Variants in FOCAD observed in about 807,000 individuals in gnomAD.
FOCAD encodes the protein KIAA1797.
FOCAD carries 198 observed loss-of-function variants against 225.6 expected under a neutral mutation model. That is an observed-to-expected ratio of 0.88 (90% CI 0.78 to 0.99). FOCAD has a LOEUF of 0.99. Ranked by LOEUF, FOCAD falls within the 50% of genes least tolerant of loss-of-function variation. The pLI, the probability that FOCAD is intolerant of heterozygous loss-of-function variation, is 0.00. For missense variants in FOCAD, 2,713 were observed against 2,123.6 expected (o/e 1.28, Z -5.46); for synonymous variants, 897 against 755.0 (o/e 1.19, Z -3.08).
At position 20,869,922 on chromosome 9, in the gene FOCAD, T is replaced by C. The variant is rs559242929; in HGVS notation, c.2190+2910T>C. ...ACATGTTGATTGTCATGTTGAAAGA[T>C]AGATAAGAATGATTTTTCCCTTTTA... On this transcript the variant is annotated intron_variant, in intron 18 of 43. Coordinates refer to ENST00000338382, the MANE Select transcript of FOCAD (RefSeq NM_001375567.1). 2.6e-5 allele frequency among the ~76,000 whole-genome samples: 4 copies of C among 152,260 alleles called. No homozygotes were observed. In the South Asian group the frequency reaches 6.2e-4, roughly 24 times the overall value.
intron 15 of FOCAD, among the ~76,000 whole-genome samples, chr9:20,859,716 A>T (rs1288919024): frequency 6.8e-6 from 1 of 146,876 alleles, no homozygotes; most frequent in Non-Finnish European, 1.5e-5. Flanking sequence ...TATATATATT[A>T]TATATATATA....
intron 39 of FOCAD, among the ~76,000 whole-genome samples, chr9:20,985,954 G>A (rs1276991274): frequency 6.6e-6 from 1 of 151,952 alleles, no homozygotes; most frequent in East Asian, 1.9e-4. Context: ...ATTAACACAT[G>A]TTAAGTGCTT....
chr9:20,928,477 G>T (rs540570490), intron 26 of FOCAD, among the ~76,000 whole-genome samples: 131 of 152,238 alleles, frequency 8.6e-4, no homozygotes, highest in Admixed American at 1.5e-3. Flanking sequence ...CTGCCCTTAT[G>T]GTGTGTCTGA....
intron 8 of FOCAD, among the ~76,000 whole-genome samples, chr9:20,777,660 G>T (rs183958630): frequency 6.2e-4 from 95 of 152,228 alleles, no homozygotes; most frequent in African/African-American, 2.2e-3. Flanking sequence ...ATTGTGACAT[G>T]ATTTACTAAA....
At chr9:20,883,233 G>GAAAAGGA (rs1223899865) in intron 20 of FOCAD, among the ~76,000 whole-genome samples, 1 of 152,090 alleles carries the variant, frequency 6.6e-6, no homozygotes, top group Non-Finnish European at 1.5e-5. Context: ...TGGCCTACAT[G>GAAAAGGA]AAATAACATA....
At chr9:20,931,536 A>G (rs568359865) in intron 27 of FOCAD, among the ~76,000 whole-genome samples, 17 of 152,330 alleles carry the variant, frequency 1.1e-4, no homozygotes, top group Middle Eastern at 3.4e-3. Context: ...ATTTTTTTCT[A>G]AAAGCAAGTG....
At chr9:20,919,992 C>T (rs568710280) in intron 24 of FOCAD, among the ~76,000 whole-genome samples, 13 of 151,768 alleles carry the variant, frequency 8.6e-5, no homozygotes, top group Non-Finnish European at 1.6e-4. Context: ...AGCTTCAGCA[C>T]AGCAAAAGAA....
chr9:20,863,615 C>A (rs955946044), intron 16 of FOCAD: 3 of 151,914 alleles, frequency 2.0e-5, no homozygotes, highest in Admixed American at 6.6e-5. Context: ...TTACATGTAG[C>A]CTTTTTTTAG....
At chr9:20,665,769 G>A (rs886817423) in intron 2 of FOCAD, among the ~76,000 whole-genome samples, 4 of 152,012 alleles carry the variant, frequency 2.6e-5, no homozygotes, top group African/African-American at 4.8e-5. Flanking sequence ...GGTGGCTCAC[G>A]CCTGTAAGCC....
chr9:20,880,719 C>A (rs1215777655), intron 19 of FOCAD, among the ~76,000 whole-genome samples: 1 of 152,146 alleles, frequency 6.6e-6, no homozygotes, highest in Non-Finnish European at 1.5e-5. Context: ...TTAATTTAAT[C>A]ATATTCATTT....
At chr9:20,762,164 A>G (rs1264023978) in intron 6 of FOCAD, among the ~76,000 whole-genome samples, 1 of 152,200 alleles carries the variant, frequency 6.6e-6, no homozygotes, top group African/African-American at 2.4e-5. Flanking sequence ...CCCGGATAGT[A>G]TTTATTCTTT....
intron 1 of FOCAD, among the ~76,000 whole-genome samples, chr9:20,714,714 C>G (rs1825188361): frequency 6.7e-6 from 1 of 149,740 alleles, no homozygotes; most frequent in Non-Finnish European, 1.5e-5. Context: ...CTCTTTCTCT[C>G]TTTCACTTTT....
At chr9:20,662,348 G>C (rs1312477143) in intron 2 of FOCAD, among the ~76,000 whole-genome samples, 2 of 152,144 alleles carry the variant, frequency 1.3e-5, no homozygotes, top group Non-Finnish European at 1.5e-5. Context: ...AGCTCCTTTA[G>C]GGTCAGCCTC....
intron 25 of FOCAD, among the ~76,000 whole-genome samples, chr9:20,925,777 A>G (rs965805819): frequency 6.6e-6 from 1 of 151,972 alleles, no homozygotes; most frequent in Non-Finnish European, 1.5e-5. Flanking sequence ...AAGATGATTC[A>G]TGTTTTCTAC....
chr9:20,794,894 A>G (rs903093757), intron 11 of FOCAD, among the ~76,000 whole-genome samples: 3 of 152,150 alleles, frequency 2.0e-5, no homozygotes, highest in African/African-American at 7.2e-5. Context: ...GAATTTGATA[A>G]TGTTTCAATA....
chr9:20,671,392 A>G (rs934775591), intron 2 of FOCAD, among the ~76,000 whole-genome samples: 2 of 152,194 alleles, frequency 1.3e-5, no homozygotes, highest in African/African-American at 4.8e-5. Flanking sequence ...GTTATCTCAT[A>G]CCAGTCTTCT....
At chr9:20,698,391 CAT>C (rs1823560210) in intron 1 of FOCAD, among the ~76,000 whole-genome samples, 1 of 151,924 alleles carries the variant, frequency 6.6e-6, no homozygotes, top group African/African-American at 2.4e-5. Context: ...CACACACACA[CAT>C]ATATGTGTAT....
rs367615608 is a variant in FOCAD, at chr9:20,941,870, G to C, written c.3408-2757G>C. Among the ~76,000 whole-genome samples the C allele has an allele frequency of 2.6e-5, 4 of 152,282 alleles. No homozygotes were observed. In the East Asian group the frequency reaches 7.7e-4, roughly 29 times the overall value. On this transcript the variant is annotated intron_variant, in intron 28 of 43. Coordinates refer to ENST00000338382, the MANE Select transcript of FOCAD (RefSeq NM_001375567.1). ...CTGCCCAAGCTATTCTTGGTTCAAA[G>C]CTGGCAGACATATCAAAGAGAAGCT...
chr9:20,849,001 A>G (rs1827389291), intron 15 of FOCAD, among the ~76,000 whole-genome samples: 1 of 152,026 alleles, frequency 6.6e-6, no homozygotes, highest in African/African-American at 2.4e-5. Flanking sequence ...TTGAGAAAAA[A>G]GAGGCATTAC....
Sources: gnomAD v4.1 joint callset for allele counts (sites outside exome capture counted in the v4.1 genomes callset) on GRCh38, gnomAD v4.1.1 for gene constraint, MANE v1.5 for transcripts, NCBI Gene and HGNC (gene_info 2026-07-23, HGNC 2026-07-21) for gene names.